Variants in DOK6 observed in about 807,000 individuals in gnomAD.
DOK6 encodes the protein docking protein 6.
A neutral mutation model predicts 44.0 loss-of-function variants in DOK6; 22 were observed. The ratio of observed to expected loss-of-function variants is 0.50; its 90% confidence interval spans 0.36 to 0.71. The LOEUF is 0.71. Ranked by LOEUF, DOK6 falls within the 30% of genes least tolerant of loss-of-function variation. The pLI is 0.00. For missense variants in DOK6, 340 were observed against 416.4 expected (o/e 0.82, Z 1.60); for synonymous variants, 166 against 145.5 (o/e 1.14, Z -1.01).
intron 3 of DOK6, among the ~76,000 whole-genome samples, chr18:69,644,454 G>A (rs1985020004): frequency 6.6e-6 from 1 of 152,170 alleles, no homozygotes; most frequent in African/African-American, 2.4e-5. Context: ...TGAGGTTTAA[G>A]TCAAGATTAT....
At chr18:69,535,756 A>G (rs1353790312) in intron 1 of DOK6, among the ~76,000 whole-genome samples, 1 of 152,032 alleles carries the variant, frequency 6.6e-6, no homozygotes, top group Non-Finnish European at 1.5e-5. Context: ...AATGATTTAT[A>G]GGAGTCCCAA....
At chr18:69,761,601 C>T (rs1979556668) in intron 7 of DOK6, among the ~76,000 whole-genome samples, 1 of 152,114 alleles carries the variant, frequency 6.6e-6, no homozygotes, top group African/African-American at 2.4e-5. Flanking sequence ...GATCTTGGCT[C>T]CTTGCTACCC....
At chr18:69,513,424 A>G (rs1981430481) in intron 1 of DOK6, among the ~76,000 whole-genome samples, 2 of 152,192 alleles carry the variant, frequency 1.3e-5, no homozygotes, top group South Asian at 4.1e-4. Context: ...CTACCCTAAT[A>G]CATCTTGCCA....
chr18:69,457,162 A>G (rs1366013458), intron 1 of DOK6, among the ~76,000 whole-genome samples: 2 of 152,286 alleles, frequency 1.3e-5, no homozygotes, highest in East Asian at 3.9e-4. Context: ...ATTAGGTCCT[A>G]CTTGTCAATT....
At chr18:69,622,049 T>G (rs559407257) in intron 3 of DOK6, among the ~76,000 whole-genome samples, 1 of 152,318 alleles carries the variant, frequency 6.6e-6, no homozygotes, top group South Asian at 2.1e-4. Context: ...TAATTTCCCT[T>G]TTGAATTTCA....
At chr18:69,658,714 GT>G (rs1985433388) in intron 3 of DOK6, among the ~76,000 whole-genome samples, 1 of 152,192 alleles carries the variant, frequency 6.6e-6, no homozygotes, top group Admixed American at 6.5e-5. Context: ...TTTTTCTGCT[GT>G]CTTTTTCTCA....
intron 1 of DOK6, among the ~76,000 whole-genome samples, chr18:69,422,929 T>C (rs1242967905): frequency 6.6e-6 from 1 of 152,306 alleles, no homozygotes; most frequent in Non-Finnish European, 1.5e-5. Context: ...ATGATGGAAA[T>C]TGCAGAGAGT....
At chr18:69,581,803 A>G (rs1005533520) in intron 2 of DOK6, among the ~76,000 whole-genome samples, 2 of 152,240 alleles carry the variant, frequency 1.3e-5, no homozygotes, top group Admixed American at 1.3e-4. Flanking sequence ...AGAAGCTATC[A>G]ATAGGGCTTT....
At chr18:69,776,339 A>G (rs1468297154) in intron 7 of DOK6, among the ~76,000 whole-genome samples, 1 of 152,026 alleles carries the variant, frequency 6.6e-6, no homozygotes, top group Non-Finnish European at 1.5e-5. Flanking sequence ...ATGTTTTCAG[A>G]TCATAATGCA....
chr18:69,444,234 C>T (rs914204121), intron 1 of DOK6, among the ~76,000 whole-genome samples: 9 of 152,164 alleles, frequency 5.9e-5, no homozygotes, highest in Middle Eastern at 3.4e-3. Flanking sequence ...TTGGAGAGCA[C>T]GGCACTCATC....
intron 7 of DOK6, among the ~76,000 whole-genome samples, chr18:69,816,878 A>G (rs568924043): frequency 1.4e-4 from 21 of 152,318 alleles, no homozygotes; most frequent in South Asian, 2.1e-4. Context: ...AAAAACTTCA[A>G]CAGGGTCTTA....
chr18:69,580,801 C>A (rs369710116), intron 2 of DOK6, among the ~76,000 whole-genome samples: 1 of 152,090 alleles, frequency 6.6e-6, no homozygotes, highest in Non-Finnish European at 1.5e-5. Flanking sequence ...TAATCTTATA[C>A]CATTTAAAAA....
chr18:69,811,834 A>T (rs1024262774), intron 7 of DOK6, among the ~76,000 whole-genome samples: 4 of 151,898 alleles, frequency 2.6e-5, no homozygotes, highest in African/African-American at 4.8e-5. Context: ...GGAACCTCAG[A>T]TCTCCTGATT....
intron 1 of DOK6, among the ~76,000 whole-genome samples, chr18:69,496,192 C>T (rs1230906910): frequency 6.6e-6 from 1 of 152,234 alleles, no homozygotes; most frequent in Non-Finnish European, 1.5e-5. Context: ...TGAGATGTCA[C>T]CGTCAACGAG....
chr18:69,601,233 A>T (rs1335150296), intron 3 of DOK6, among the ~76,000 whole-genome samples: 1 of 152,150 alleles, frequency 6.6e-6, no homozygotes, highest in Non-Finnish European at 1.5e-5. Flanking sequence ...CTCATAGATC[A>T]CAGAATACAT....
chr18:69,553,522 T>C (rs1982615770), intron 1 of DOK6, among the ~76,000 whole-genome samples: 1 of 152,146 alleles, frequency 6.6e-6, no homozygotes, highest in Admixed American at 6.5e-5. Flanking sequence ...TAGCACCACT[T>C]GGTTTTGTGA....
chr18:69,535,565 A>T (rs1209327024), intron 1 of DOK6, among the ~76,000 whole-genome samples: 1 of 129,032 alleles, frequency 7.8e-6, no homozygotes, highest in Non-Finnish European at 1.8e-5. Flanking sequence ...TTTACTACTC[A>T]GTTGAATATA....
chr18:69,520,427 T>C (rs1053051133), intron 1 of DOK6, among the ~76,000 whole-genome samples: 2 of 151,862 alleles, frequency 1.3e-5, no homozygotes, highest in Non-Finnish European at 2.9e-5. Context: ...ACTTCTCTTA[T>C]TTCTTTGAAT....
chr18:69,799,979 C>A (rs1441239100), intron 7 of DOK6, among the ~76,000 whole-genome samples: 1 of 152,110 alleles, frequency 6.6e-6, no homozygotes, highest in East Asian at 1.9e-4. Context: ...CCAGCATATA[C>A]AATTTTAAGG....
Sources: allele counts gnomAD v4.1 joint callset (sites outside exome capture counted in the v4.1 genomes callset), GRCh38; gene constraint gnomAD v4.1.1; transcripts MANE v1.5; gene names NCBI Gene and HGNC (gene_info 2026-07-23, HGNC 2026-07-21).